The following TNRC6B variants were observed in gnomAD, a reference collection of about 807,000 sequenced individuals.
TNRC6B encodes trinucleotide repeat containing adaptor 6B, also known as trinucleotide repeat-containing gene 6B protein.
A neutral mutation model predicts 203.6 loss-of-function variants in TNRC6B; 52 were observed. That is an observed-to-expected ratio of 0.26 (90% CI 0.20 to 0.32). TNRC6B has a LOEUF of 0.32. Among genes scored for constraint, TNRC6B ranks in the 10% least tolerant of loss-of-function variants. TNRC6B has a pLI of 1.00. For missense variants in TNRC6B, 1,923 were observed against 2,286.2 expected, an observed-to-expected ratio of 0.84 and a Z score of 3.24; for synonymous variants, 838 against 845.7, an observed-to-expected ratio of 0.99 and a Z score of 0.16.
rs116435924 is a variant in TNRC6B, at chr22:40,271,087, G to A, written c.2965+807G>A. ...CACTTCAATTTTTTAAATGAAGAAC[G>A]TCACACTTATTCAGAATCATTGAAA... On this transcript the variant is annotated intron_variant, in intron 6 of 22. Coordinates refer to ENST00000454349, the MANE Select transcript of TNRC6B (RefSeq NM_001162501.2). 3.3e-3 allele frequency among the ~76,000 whole-genome samples: 504 copies of A among 152,228 alleles called. 3 individuals carry two copies. The highest frequency in any genetic ancestry group is 0.011 in the African/African-American group (463 of 41,534).
chr22:40,151,537 CAA>C (rs994432925), intron 3 of TNRC6B, among the ~76,000 whole-genome samples: 10 of 24,110 alleles, frequency 4.1e-4, no homozygotes, highest in Non-Finnish European at 4.3e-4. Context: ...GACTGCATCT[CAA>C]AAAAAAAAAA....
intron 19 of TNRC6B, 121 bp downstream of exon 19, chr22:40,313,118 C>A: frequency 1.3e-6 from 1 of 742,740 alleles, no homozygotes; most frequent in South Asian, 1.7e-5. Context: ...TAGCATAGGT[C>A]AGTATAGATG....
chr22:40,089,285 C>T lies in TNRC6B; in HGVS notation c.-120-27770C>T, dbSNP rs1601808710. On this transcript the variant is annotated intron_variant, in intron 1 of 23. Transcript: ENST00000301923. ...TCTCACTTTGTCACCCAGGCTGGAG[C>T]GCATTGGTGTGATCTTGGCTCACTG... Among the ~76,000 whole-genome samples the T allele has an allele frequency of 1.3e-5, 2 of 151,878 alleles. 1 individual carries two copies.
At chr22:40,093,721 C>T (rs1387873573) in intron 1 of TNRC6B, among the ~76,000 whole-genome samples, 5 of 152,186 alleles carry the variant, frequency 3.3e-5, no homozygotes, top group Non-Finnish European at 1.5e-5. Context: ...TCAGTTAGGA[C>T]AGTTGTTAAG....
At chr22:40,229,868 G>A (rs2069843192) in intron 1 of TNRC6B, among the ~76,000 whole-genome samples, 1 of 152,168 alleles carries the variant, frequency 6.6e-6, no homozygotes, top group South Asian at 2.1e-4. Context: ...ACCTATTGAT[G>A]TGCATTTGGG....
At chr22:40,053,133 C>T (rs2067764424) in intron 1 of TNRC6B, among the ~76,000 whole-genome samples, 2 of 149,224 alleles carry the variant, frequency 1.3e-5, no homozygotes, top group Non-Finnish European at 3.0e-5. Flanking sequence ...TTAACATATA[C>T]CACTCGATGT....
intron 1 of TNRC6B, among the ~76,000 whole-genome samples, chr22:40,107,971 T>A (rs956109686): frequency 2.6e-5 from 4 of 151,108 alleles, no homozygotes; most frequent in Non-Finnish European, 5.9e-5. Flanking sequence ...GTGCGCAAGA[T>A]GCACAGGAAC....
intron 1 of TNRC6B, among the ~76,000 whole-genome samples, chr22:40,072,398 C>G (rs780215734): frequency 3.9e-5 from 6 of 152,084 alleles, no homozygotes; most frequent in Non-Finnish European, 7.4e-5. Context: ...ACTAATTATT[C>G]CCAAGGATGT....
intron 12 of TNRC6B, among the ~76,000 whole-genome samples, chr22:40,294,038 A>G (rs1470325233): frequency 6.9e-6 from 1 of 145,538 alleles, no homozygotes. Flanking sequence ...GGAGTTCGAG[A>G]CAAGCCTGGG....
At chr22:40,165,983 T>C (rs2068916348) in intron 4 of TNRC6B, among the ~76,000 whole-genome samples, 1 of 152,216 alleles carries the variant, frequency 6.6e-6, no homozygotes, top group Non-Finnish European at 1.5e-5. Context: ...TGTTTTGTTT[T>C]GTTTTGTTTT....
rs552369841 is a variant in TNRC6B, at chr22:40,333,532, A to G, written c.*10291A>G. ...TCTCAACCTTTCTTGGTTCAGACAC[A>G]CACATACACACCCCTTGAGTAACTC... On this transcript the variant is annotated 3_prime_UTR_variant, in exon 23 of 23. Coordinates refer to ENST00000454349, the MANE Select transcript of TNRC6B (RefSeq NM_001162501.2). The G allele has an allele frequency of 6.5e-6, 1 of 152,766 alleles. No homozygotes were observed. Among genetic ancestry groups the G allele is most frequent in the South Asian group, 2.1e-4 (1 of 4,830 alleles). The allele number at this position is 152,766 out of a possible 1,614,324, so 9.5% of individuals were successfully genotyped here. A position where few individuals can be genotyped will look rare whatever the true frequency, so the allele number is the denominator to read the frequency against.
chr22:40,124,463 C>T (rs1340468713), intron 2 of TNRC6B, among the ~76,000 whole-genome samples: 1 of 151,938 alleles, frequency 6.6e-6, no homozygotes, highest in Non-Finnish European at 1.5e-5. Flanking sequence ...GCTGGGCCCA[C>T]ATACATGTGT....
rs1387115354 is a variant in TNRC6B at position 40,124,253 on chromosome 22, T to A, written c.-46-1519T>A. ...GAGAAGCCTACACCAAAACAGATCA[T>A]CAAGCGTTGTGCATTAATAGATTTT... On this transcript the variant is annotated intron_variant, in intron 2 of 23. Transcript: ENST00000301923. 2.0e-5 allele frequency among the ~76,000 whole-genome samples: 3 copies of A among 151,870 alleles called. No homozygotes were observed. The South Asian group carries it at 6.2e-4, about 32-fold the overall frequency.
intron 1 of TNRC6B, among the ~76,000 whole-genome samples, chr22:40,220,178 G>A (rs1382405901): frequency 6.6e-6 from 1 of 152,164 alleles, no homozygotes; most frequent in Non-Finnish European, 1.5e-5. Context: ...CCCGAGCTCT[G>A]AATCTATACT....
At chr22:40,102,114 A>G (rs939641442) in intron 1 of TNRC6B, among the ~76,000 whole-genome samples, 1 of 152,256 alleles carries the variant, frequency 6.6e-6, no homozygotes, top group African/African-American at 2.4e-5. Flanking sequence ...TTTAAACCCT[A>G]TTTAGAAATC....
At chr22:40,188,379 G>A (rs2069231765) in intron 1 of TNRC6B, among the ~76,000 whole-genome samples, 1 of 152,112 alleles carries the variant, frequency 6.6e-6, no homozygotes, top group Non-Finnish European at 1.5e-5. Flanking sequence ...TGGGATATCA[G>A]CTATTCAGTC....
At chr22:40,081,497 C>T (rs541504339) in intron 1 of TNRC6B, among the ~76,000 whole-genome samples, 6 of 152,202 alleles carry the variant, frequency 3.9e-5, no homozygotes, top group African/African-American at 1.2e-4. Flanking sequence ...TTTCATAATG[C>T]TCTATACCAT....
At chr22:40,183,399 A>T (rs1257164885) in intron 1 of TNRC6B, among the ~76,000 whole-genome samples, 1 of 152,154 alleles carries the variant, frequency 6.6e-6, no homozygotes, top group African/African-American at 2.4e-5. Context: ...CAAGGACAGG[A>T]GCAGCACGGA....
At chr22:40,052,898 ATTCTC>A (rs1174422739) in intron 1 of TNRC6B, among the ~76,000 whole-genome samples, 1 of 152,178 alleles carries the variant, frequency 6.6e-6, no homozygotes, top group Non-Finnish European at 1.5e-5. Flanking sequence ...GTTACCTTCT[ATTCTC>A]TTTTATTCTT....
Sources: allele counts gnomAD v4.1 joint callset (sites outside exome capture counted in the v4.1 genomes callset), GRCh38; gene constraint gnomAD v4.1.1; transcripts MANE v1.5; gene names NCBI Gene and HGNC (gene_info 2026-07-23, HGNC 2026-07-21).